The following DCHS2 variants were observed in gnomAD, a reference collection of about 807,000 sequenced individuals.
DCHS2 encodes dachsous cadherin-related 2.
DCHS2 carries 142 observed loss-of-function variants against 182.4 expected under a neutral mutation model. The ratio of observed to expected loss-of-function variants is 0.78; its 90% confidence interval spans 0.68 to 0.89. The LOEUF (loss-of-function observed/expected upper bound fraction) is 0.89. DCHS2 is among the 40% of genes least tolerant of loss of function. The pLI, the probability that DCHS2 is intolerant of heterozygous loss-of-function variation, is 0.00. For missense variants in DCHS2, 4,319 were observed against 4,198.6 expected (o/e 1.03, Z -0.79); for synonymous variants, 1,740 against 1,663.3 (o/e 1.05, Z -1.12).
chr4:154,487,701 T>C (rs1239353379), intron 1 of DCHS2, among the ~76,000 whole-genome samples: 1 of 152,234 alleles, frequency 6.6e-6, no homozygotes, highest in Non-Finnish European at 1.5e-5. Flanking sequence ...AGCTAAAGCC[T>C]GAACTCCCTA....
chr4:154,465,481 C>T (rs972972768), intron 1 of DCHS2, among the ~76,000 whole-genome samples: 1 of 152,092 alleles, frequency 6.6e-6, no homozygotes, highest in Non-Finnish European at 1.5e-5. Context: ...CCAGCCTGGA[C>T]AACATCGTGA....
chr4:154,486,799 G>C (rs887312574), intron 1 of DCHS2, among the ~76,000 whole-genome samples: 1 of 152,208 alleles, frequency 6.6e-6, no homozygotes, highest in African/African-American at 2.4e-5. Context: ...GAGGCCACCA[G>C]AGAGCCCAGT....
intron 16 of DCHS2, among the ~76,000 whole-genome samples, chr4:154,247,450 T>C (rs6840759): frequency 0.85 from 124,919 of 146,260 alleles, 54,934 homozygotes; most frequent in East Asian, 1. Flanking sequence ...GAGACCAGCC[T>C]GGCCAATTTG....
intron 1 of DCHS2, among the ~76,000 whole-genome samples, chr4:154,484,447 T>A (rs1728505179): frequency 6.6e-6 from 1 of 152,096 alleles, no homozygotes. Context: ...AACACTGATA[T>A]CTCCCATGTC....
intron 12 of DCHS2, among the ~76,000 whole-genome samples, chr4:154,300,752 T>A (rs1422832644): frequency 1.3e-5 from 2 of 151,398 alleles, no homozygotes; most frequent in East Asian, 1.9e-4. Flanking sequence ...AGGTTAGGAG[T>A]CATAGTAATC....
chr4:154,388,136 A>G (rs2110838561), intron 1 of DCHS2, among the ~76,000 whole-genome samples: 1 of 152,260 alleles, frequency 6.6e-6, no homozygotes, highest in South Asian at 2.1e-4. Context: ...AAGAATATAC[A>G]TAGAAAGATA....
chr4:154,251,092 G>C (rs1419815616), intron 16 of DCHS2, among the ~76,000 whole-genome samples: 5 of 152,062 alleles, frequency 3.3e-5, no homozygotes, highest in Admixed American at 3.3e-4. Flanking sequence ...TTCATGAATT[G>C]TGTATTTTGA....
At position 154,298,144 on chromosome 4, in the gene DCHS2, G is replaced by A. The variant is rs148395294; in HGVS notation, c.6170C>T (p.Thr2057Ile). The change falls in exon 13 of 20, where the codon ACT becomes ATT. Residue 2057 changes from threonine to isoleucine, a missense_variant. Transcript: ENST00000357232. ...LSPESPTNQT[T>I]VIVRADDLDL... is the part of the protein sequence containing the mutation. Reference sequence around the variant, plus strand: ...CAGGTCATCAGCTCTCACAATGACAGTTGTCTGGTTTGTAGGCGACTCGGG... The same window carrying A: ...CAGGTCATCAGCTCTCACAATGACAATTGTCTGGTTTGTAGGCGACTCGGG... 1 of 1,614,000 alleles carries A rather than the reference G, an allele frequency of 6.2e-7. No individual in the cohort carries two copies. Among genetic ancestry groups the A allele is most frequent in the Non-Finnish European group, 8.5e-7 (1 of 1,180,022 alleles).
intron 4 of DCHS2, chr4:154,334,639 T>A (rs564750303): frequency 2.0e-5 from 10 of 508,540 alleles, no homozygotes; most frequent in Non-Finnish European, 3.5e-5. Context: ...TCTGTATTAT[T>A]TTAAACATTC....
Position 154,349,223 on chromosome 4 carries a change from CA to C in DCHS2, c.2477-14120del, listed in dbSNP as rs1393085503. Among the ~76,000 whole-genome samples, 10 of 150,040 alleles carry C rather than the reference CA, an allele frequency of 6.7e-5. 1 individual carries two copies. The highest frequency in any genetic ancestry group is 2.5e-4 in the African/African-American group (10 of 39,432). On this transcript the variant is annotated intron_variant, in intron 3 of 19. Coordinates refer to ENST00000357232, the MANE Select transcript of DCHS2 (RefSeq NM_001358235.2). The stretch of plus-strand genomic sequence containing the variant: ...AGAAAAGGAAAACAGAAACAGGGAA[CA>C]AAAAGTCATTTCACAGTTACTTTCC...
intron 1 of DCHS2, among the ~76,000 whole-genome samples, chr4:154,473,200 C>T (rs917524127): frequency 5.3e-5 from 8 of 152,212 alleles, no homozygotes; most frequent in Non-Finnish European, 1.0e-4. Flanking sequence ...GCTGGTTCTA[C>T]TGACCACTCC....
intron 1 of DCHS2, among the ~76,000 whole-genome samples, chr4:154,427,525 G>A (rs1390218392): frequency 1.3e-5 from 2 of 152,210 alleles, no homozygotes; most frequent in Admixed American, 1.3e-4. Context: ...CTGGTTCTGA[G>A]GGCTGCCCAA....
chr4:154,250,033 AAAAT>A (rs1732275611), intron 16 of DCHS2, among the ~76,000 whole-genome samples: 1 of 152,166 alleles, frequency 6.6e-6, no homozygotes, highest in Admixed American at 6.5e-5. Context: ...TAAATAAATA[AAAAT>A]AAACTATATG....
intron 16 of DCHS2, among the ~76,000 whole-genome samples, chr4:154,243,904 C>A (rs1731953436): frequency 6.6e-6 from 1 of 152,174 alleles, no homozygotes; most frequent in African/African-American, 2.4e-5. Context: ...ATTTGAAAAC[C>A]TGACCTCCCT....
chr4:154,368,509 G>A (rs954223501), intron 2 of DCHS2, among the ~76,000 whole-genome samples: 3 of 144,816 alleles, frequency 2.1e-5, no homozygotes, highest in East Asian at 2.0e-4. Flanking sequence ...AGTGGAAAAC[G>A]TATAATACTT....
At chr4:154,354,978 G>T (rs1561063780) in intron 3 of DCHS2, among the ~76,000 whole-genome samples, 1 of 151,970 alleles carries the variant, frequency 6.6e-6, no homozygotes, top group Non-Finnish European at 1.5e-5. Context: ...GCCTTCCACA[G>T]CTGCCATCAA....
At chr4:154,380,683 A>G (rs190775685) in intron 1 of DCHS2, among the ~76,000 whole-genome samples, 1 of 152,158 alleles carries the variant, frequency 6.6e-6, no homozygotes, top group Non-Finnish European at 1.5e-5. Flanking sequence ...GGATAAAAGT[A>G]TTGATCTCAA....
intron 5 of DCHS2, among the ~76,000 whole-genome samples, chr4:154,330,078 C>G (rs1736459824): frequency 6.6e-6 from 1 of 152,202 alleles, no homozygotes; most frequent in South Asian, 2.1e-4. Context: ...CATGTGAGCT[C>G]TGACACAGGT....
At chr4:154,401,167 T>C (rs1732162612) in intron 1 of DCHS2, among the ~76,000 whole-genome samples, 1 of 152,204 alleles carries the variant, frequency 6.6e-6, no homozygotes, top group African/African-American at 2.4e-5. Context: ...ACATGTGCTT[T>C]TTTGATTCTT....
Sources: gnomAD v4.1 joint callset for allele counts (sites outside exome capture counted in the v4.1 genomes callset) on GRCh38, gnomAD v4.1.1 for gene constraint, MANE v1.5 for transcripts, NCBI Gene and HGNC (gene_info 2026-07-23, HGNC 2026-07-21) for gene names.